ZNF536: variants seen among roughly 807,000 people sequenced by gnomAD.
The protein encoded by ZNF536 is zinc finger protein 536.
ZNF536 carries 13 observed loss-of-function variants against 84.5 expected under a neutral mutation model. That is an observed-to-expected ratio of 0.15 (90% CI 0.10 to 0.24). The LOEUF (loss-of-function observed/expected upper bound fraction) is 0.24. Among genes scored for constraint, ZNF536 ranks in the 10% least tolerant of loss-of-function variants. ZNF536 has a pLI of 1.00. For synonymous variants in ZNF536, 811 were observed against 742.5 expected (o/e 1.09, Z -1.50); for missense variants, 1,536 against 1,747.5 (o/e 0.88, Z 2.16).
intron 2 of ZNF536, among the ~76,000 whole-genome samples, chr19:30,289,783 G>A (rs1282712310): frequency 1.3e-5 from 2 of 152,136 alleles, no homozygotes; most frequent in Non-Finnish European, 2.9e-5. Context: ...ATGCCTCTAT[G>A]CCAAGGCTAC....
At chr19:30,447,506 G>A (rs2052408709) in intron 2 of ZNF536, among the ~76,000 whole-genome samples, 1 of 152,128 alleles carries the variant, frequency 6.6e-6, no homozygotes, top group South Asian at 2.1e-4. Context: ...GACTTGTTTG[G>A]GATTTATTAC....
intron 1 of ZNF536, among the ~76,000 whole-genome samples, chr19:30,600,120 C>T (rs1234660263): frequency 3.4e-3 from 1 of 292 alleles, no homozygotes; most frequent in African/African-American, 0.02. Flanking sequence ...GACAGAGTTT[C>T]TCTCGTCTGT....
chr19:30,430,169 G>A (rs2051390348), intron 1 of ZNF536, among the ~76,000 whole-genome samples: 1 of 152,194 alleles, frequency 6.6e-6, no homozygotes, highest in Non-Finnish European at 1.5e-5. Flanking sequence ...TGAGTAGAGG[G>A]CAGGGCTGGT....
chr19:30,311,978 G>T (rs997384881), intron 2 of ZNF536, among the ~76,000 whole-genome samples: 1 of 152,162 alleles, frequency 6.6e-6, no homozygotes, highest in Non-Finnish European at 1.5e-5. Flanking sequence ...TGAGATGGAA[G>T]GATCACTTGA....
intron 2 of ZNF536, among the ~76,000 whole-genome samples, chr19:30,451,438 C>T (rs1486140915): frequency 1.3e-5 from 2 of 152,228 alleles, no homozygotes; most frequent in Non-Finnish European, 2.9e-5. Flanking sequence ...AGTAACACTT[C>T]GGGGCTTTTA....
At chr19:30,571,724 C>T (rs2146555237) in intron 1 of ZNF536, among the ~76,000 whole-genome samples, 1 of 152,232 alleles carries the variant, frequency 6.6e-6, no homozygotes, top group Middle Eastern at 3.4e-3. Flanking sequence ...AGGCCCCTCT[C>T]ACCACAGGCA....
intron 1 of ZNF536, among the ~76,000 whole-genome samples, chr19:30,418,031 G>A (rs561880960): frequency 1.0e-3 from 155 of 152,148 alleles, no homozygotes; most frequent in African/African-American, 3.5e-3. Context: ...GTACAAGTGT[G>A]AGCCACCATG....
chr19:30,257,098 TC>T (rs1225187052), intron 1 of ZNF536, among the ~76,000 whole-genome samples: 7 of 152,208 alleles, frequency 4.6e-5, no homozygotes, highest in African/African-American at 1.7e-4. Context: ...ATTCTGTTGA[TC>T]TTTTATAAAC....
In ZNF536 at chr19:30,464,834, G is replaced by A. The variant is rs114838322; in HGVS notation, c.2170+19102G>A. Among the ~76,000 whole-genome samples, 269 of 152,082 alleles carry A rather than the reference G, an allele frequency of 1.8e-3. 2 individuals carry two copies. The highest frequency in any genetic ancestry group is 6.3e-3 in the African/African-American group (261 of 41,458). Reference sequence around the variant, plus strand: ...CAGGGTGGGGCTCCTCCTCCTGCCCGAGTTCCTTACCAGGAAGCACAAGGT... The same window carrying A: ...CAGGGTGGGGCTCCTCCTCCTGCCCAAGTTCCTTACCAGGAAGCACAAGGT... On this transcript the variant is annotated intron_variant, in intron 2 of 4. Transcript: ENST00000355537.
intron 2 of ZNF536, among the ~76,000 whole-genome samples, chr19:30,318,056 G>T (rs2046737352): frequency 6.6e-6 from 1 of 152,196 alleles, no homozygotes; most frequent in South Asian, 2.1e-4. Flanking sequence ...TGGCACGCAG[G>T]ATACTGGCAG....
At chr19:30,240,700 A>T (rs1001181379) in intron 1 of ZNF536, among the ~76,000 whole-genome samples, 3 of 152,212 alleles carry the variant, frequency 2.0e-5, no homozygotes, top group Non-Finnish European at 4.4e-5. Context: ...CTAGCAGGCC[A>T]TATAGCAAGG....
intron 2 of ZNF536, among the ~76,000 whole-genome samples, chr19:30,521,131 G>A (rs752312736): frequency 1.3e-4 from 20 of 152,250 alleles, no homozygotes; most frequent in Non-Finnish European, 2.8e-4. Flanking sequence ...GGACCACAGA[G>A]CCAGTGCTAG....
At chr19:30,609,244 C>G (rs926582959) in intron 1 of ZNF536, among the ~76,000 whole-genome samples, 1 of 152,178 alleles carries the variant, frequency 6.6e-6, no homozygotes, top group Admixed American at 6.5e-5. Context: ...ATTTTGGAAT[C>G]TGAGCCTTCT....
At chr19:30,511,832 G>A (rs573920190) in intron 2 of ZNF536, among the ~76,000 whole-genome samples, 1 of 152,284 alleles carries the variant, frequency 6.6e-6, no homozygotes, top group East Asian at 1.9e-4. Flanking sequence ...GTTAACTTGT[G>A]TCTAGTTGAG....
intron 1 of ZNF536, among the ~76,000 whole-genome samples, chr19:30,273,181 C>T (rs1159258358): frequency 6.6e-6 from 1 of 152,066 alleles, no homozygotes; most frequent in African/African-American, 2.4e-5. Context: ...GGATTACAGG[C>T]ATGAACCACT....
At chr19:30,364,961 G>T (rs2048381340) in intron 3 of ZNF536, among the ~76,000 whole-genome samples, 1 of 152,194 alleles carries the variant, frequency 6.6e-6, no homozygotes, top group Non-Finnish European at 1.5e-5. Context: ...ATGTTAGTTT[G>T]TTCAACTCTG....
intron 1 of ZNF536, among the ~76,000 whole-genome samples, chr19:30,658,539 T>TCACA (rs144517985): frequency 1.5e-4 from 22 of 149,244 alleles, no homozygotes; most frequent in East Asian, 3.9e-4. Context: ...CCTCTCTCTG[T>TCACA]CACACACACA....
intron 1 of ZNF536, among the ~76,000 whole-genome samples, chr19:30,264,640 A>G (rs141552579): frequency 1.3e-5 from 2 of 151,932 alleles, no homozygotes; most frequent in African/African-American, 4.8e-5. Context: ...CCACTTTCTC[A>G]TATAAGAGAC....
At position 30,465,376 on chromosome 19, in the gene ZNF536, T is replaced by C. The variant is rs930447898; in HGVS notation, c.2170+19644T>C. ...GTCACCCCCTGAAGATGTTTCTCTG[T>C]AGGATTTGCATCTCTGAGGTGTTTG... On this transcript the variant is annotated intron_variant, in intron 2 of 4. Coordinates refer to ENST00000355537, the MANE Select transcript of ZNF536 (RefSeq NM_014717.3). 2.0e-5 allele frequency among the ~76,000 whole-genome samples: 3 copies of C among 152,184 alleles called. 1 individual carries two copies. Among genetic ancestry groups the C allele is most frequent in the Non-Finnish European group, 4.4e-5 (3 of 68,036 alleles).
Sources: gnomAD v4.1 joint callset for allele counts (sites outside exome capture counted in the v4.1 genomes callset) on GRCh38, gnomAD v4.1.1 for gene constraint, MANE v1.5 for transcripts, NCBI Gene and HGNC (gene_info 2026-07-23, HGNC 2026-07-21) for gene names.